ARHGAP42: variants seen among roughly 807,000 people sequenced by gnomAD.
ARHGAP42 encodes Rho GTPase activating protein 42, also known as rho GTPase-activating protein 42.
Under a neutral mutation model 125.0 loss-of-function variants are expected in ARHGAP42, and 63 were observed. That is an observed-to-expected ratio of 0.50 (90% confidence interval 0.41 to 0.62). The LOEUF (loss-of-function observed/expected upper bound fraction) is 0.62, where lower values mean the gene tolerates loss of function less well. Ranked by LOEUF, ARHGAP42 falls within the 20% of genes least tolerant of loss-of-function variation. The pLI is 0.00. For synonymous variants in ARHGAP42, 339 were observed against 351.0 expected, an observed-to-expected ratio of 0.97 and a Z score of 0.38; for missense variants, 766 against 1,024.2, an observed-to-expected ratio of 0.75 and a Z score of 3.44.
chr11:100,877,921 C>T (rs1865862281), intron 4 of ARHGAP42, among the ~76,000 whole-genome samples: 1 of 148,298 alleles, frequency 6.7e-6, no homozygotes, highest in African/African-American at 2.5e-5. Flanking sequence ...AGGAGAATCA[C>T]TTGAACTCGG....
intron 5 of ARHGAP42, among the ~76,000 whole-genome samples, chr11:100,920,416 A>T (rs1036074686): frequency 2.6e-5 from 4 of 152,188 alleles, no homozygotes; most frequent in Admixed American, 2.6e-4. Context: ...AGTCTTACCA[A>T]TAAAATCTTT....
intron 4 of ARHGAP42, among the ~76,000 whole-genome samples, chr11:100,903,712 ATATATAT>A (rs1565268110): frequency 0.13 from 4,284 of 33,378 alleles, 316 homozygotes; most frequent in Non-Finnish European, 0.2. Flanking sequence ...CCCTCAAAAT[ATATATAT>A]ATATATATAT....
At position 100,696,489 on chromosome 11, in the gene ARHGAP42, G is replaced by T. The variant is rs187041988; in HGVS notation, c.154+8657G>T. On this transcript the variant is annotated intron_variant, in intron 1 of 23. Transcript: ENST00000298815. ...CTGTCTTAGCCTCCTGAGTAGCTGGGATTATAGGTGTGCACCACCACGCCC... is the reference window on the plus strand; with the variant it reads ...CTGTCTTAGCCTCCTGAGTAGCTGGTATTATAGGTGTGCACCACCACGCCC... Among the ~76,000 whole-genome samples, 396 of 151,672 alleles carry T rather than the reference G, an allele frequency of 2.6e-3. 4 individuals carry two copies. The highest frequency in any genetic ancestry group is 9.2e-3 in the African/African-American group (379 of 41,310).
chr11:100,771,717 G>A (rs1466878751), intron 2 of ARHGAP42, among the ~76,000 whole-genome samples: 1 of 151,876 alleles, frequency 6.6e-6, no homozygotes, highest in East Asian at 1.9e-4. Flanking sequence ...TCCTGCCTCA[G>A]CCTCCCAAGT....
intron 1 of ARHGAP42, among the ~76,000 whole-genome samples, chr11:100,730,997 C>CT (rs951478073): frequency 3.3e-5 from 5 of 150,768 alleles, no homozygotes; most frequent in Admixed American, 6.6e-5. Context: ...AAAGGTTTTG[C>CT]TTTTTTTTTC....
At chr11:100,723,643 G>GT (rs1396085017) in intron 1 of ARHGAP42, among the ~76,000 whole-genome samples, 2 of 152,008 alleles carry the variant, frequency 1.3e-5, no homozygotes, top group African/African-American at 4.8e-5. Flanking sequence ...AAACCTTGCT[G>GT]TTAGTTCCAG....
Position 100,751,717 on chromosome 11 carries a change from C to T in ARHGAP42, c.155-18626C>T, listed in dbSNP as rs373112410. Among the ~76,000 whole-genome samples the T allele has an allele frequency of 4.6e-5, 7 of 150,812 alleles. No individual in the cohort carries two copies. In the East Asian group the frequency reaches 1.4e-3, roughly 29 times the overall value. On this transcript the variant is annotated intron_variant, in intron 1 of 23. Transcript: ENST00000298815. ...CTACCAGGCCAGCAGGGAAGTGATC[C>T]ACCTCACAGACACACTCCTATCCCA...
chr11:100,903,706 C>CAAAAAAAAAAA (rs749877720), intron 4 of ARHGAP42, among the ~76,000 whole-genome samples: 58 of 32,492 alleles, frequency 1.8e-3, no homozygotes, highest in Non-Finnish European at 2.4e-3. Flanking sequence ...ACATGTCCCT[C>CAAAAAAAAAAA]AAAATATATA....
At chr11:100,692,622 G>T (rs565745938) in intron 1 of ARHGAP42, among the ~76,000 whole-genome samples, 22 of 152,234 alleles carry the variant, frequency 1.4e-4, no homozygotes, top group African/African-American at 5.1e-4. Context: ...GGTAGCAGTT[G>T]TTCCTGGCAC....
rs1420784707 is a variant in ARHGAP42, at chr11:100,779,463, A to AT, written c.250+9025_250+9026insT. Among the ~76,000 whole-genome samples, 688 of 79,892 alleles carry AT rather than the reference A, an allele frequency of 8.6e-3. 14 individuals carry two copies. The highest frequency in any genetic ancestry group is 0.011 in the Non-Finnish European group (450 of 40,182). 52.4% of individuals were successfully genotyped at this position (79,892 alleles called of 152,430 possible). A position where few individuals can be genotyped will look rare whatever the true frequency, so the allele number is the denominator to read the frequency against. On this transcript the variant is annotated intron_variant, in intron 2 of 23. Coordinates refer to ENST00000298815, the MANE Select transcript of ARHGAP42 (RefSeq NM_152432.4). ...TGCGTCTCAAAAAAAAAAAAAAAAA[A>AT]AAAAATATATATATATATATATACA...
At chr11:100,951,543 C>T (rs942145922) in intron 12 of ARHGAP42, among the ~76,000 whole-genome samples, 10 of 152,130 alleles carry the variant, frequency 6.6e-5, no homozygotes, top group Admixed American at 3.3e-4. Flanking sequence ...ACAAATCCTT[C>T]ATGGAAGACA....
rs1205175192 is a variant in ARHGAP42, at chr11:100,882,350, T to C, written c.384+22725T>C. ...GGTTTTTCTGTGTCTATTTAGATAA[T>C]CATGTAATTTTTGTTTTTAATTCTT... is the stretch of plus-strand genomic sequence containing the variant. On this transcript the variant is annotated intron_variant, in intron 4 of 23. Transcript: ENST00000298815. 1.2e-4 allele frequency among the ~76,000 whole-genome samples: 19 copies of C among 152,200 alleles called. 1 individual carries two copies. The highest frequency in any genetic ancestry group is 1.2e-3 in the Admixed American group (19 of 15,280).
intron 4 of ARHGAP42, among the ~76,000 whole-genome samples, chr11:100,861,835 C>T (rs1444985833): frequency 6.6e-6 from 1 of 152,088 alleles, no homozygotes; most frequent in Admixed American, 6.6e-5. Flanking sequence ...GAATTAGAAA[C>T]AAACATTTGG....
intron 1 of ARHGAP42, among the ~76,000 whole-genome samples, chr11:100,766,217 T>TGG (rs1324798132): frequency 4.2e-5 from 5 of 118,368 alleles, no homozygotes; most frequent in Non-Finnish European, 7.6e-5. Context: ...ATGGGAAGGA[T>TGG]GTGGGGTGTG....
intron 22 of ARHGAP42, among the ~76,000 whole-genome samples, chr11:100,980,565 T>C (rs867113218): frequency 0.034 from 2,031 of 60,348 alleles, 70 homozygotes; most frequent in East Asian, 0.096. Context: ...TCTTCTTTTT[T>C]TTTTTTTTTT....
At chr11:100,888,236 T>A (rs1940224) in intron 4 of ARHGAP42, among the ~76,000 whole-genome samples, 13,841 of 147,956 alleles carry the variant, frequency 0.094, 873 homozygotes, top group Non-Finnish European at 0.13. Context: ...CCTTTCCTTT[T>A]AAAAAAAAAA....
At chr11:100,805,517 G>A (rs1307925504) in intron 3 of ARHGAP42, among the ~76,000 whole-genome samples, 1 of 152,170 alleles carries the variant, frequency 6.6e-6, no homozygotes, top group Non-Finnish European at 1.5e-5. Context: ...CCTTGTGCAA[G>A]ACAGAATTTG....
chr11:100,790,877 G>A (rs958813400), intron 2 of ARHGAP42, among the ~76,000 whole-genome samples: 1 of 152,144 alleles, frequency 6.6e-6, no homozygotes, highest in African/African-American at 2.4e-5. Context: ...TAATAAAGTA[G>A]TTGTTATTCA....
intron 3 of ARHGAP42, among the ~76,000 whole-genome samples, chr11:100,859,000 A>G (rs1205960542): frequency 6.6e-6 from 1 of 152,088 alleles, no homozygotes; most frequent in Non-Finnish European, 1.5e-5. Flanking sequence ...GGGCTAAAAT[A>G]TGTTTTTATT....
Sources: allele counts gnomAD v4.1 joint callset (sites outside exome capture counted in the v4.1 genomes callset), GRCh38; gene constraint gnomAD v4.1.1; transcripts MANE v1.5; gene names NCBI Gene and HGNC (gene_info 2026-07-23, HGNC 2026-07-21).